Variants in P3H2 observed in about 807,000 individuals in gnomAD.
P3H2 encodes prolyl 3-hydroxylase 2.
In P3H2, 80 loss-of-function variants were observed where a neutral mutation model predicts 87.0. That is an observed-to-expected ratio of 0.92 (90% CI 0.77 to 1.11). The LOEUF is 1.11. P3H2 is among the 50% of genes least tolerant of loss of function. The pLI, the probability that P3H2 is intolerant of heterozygous loss-of-function variation, is 0.00. For synonymous variants in P3H2, 367 were observed against 359.3 expected (o/e 1.02, Z -0.24); for missense variants, 1,001 against 923.9 (o/e 1.08, Z -1.08).
chr3:189,971,217 C>CT (rs370261610), intron 12 of P3H2, among the ~76,000 whole-genome samples: 113 of 152,334 alleles, frequency 7.4e-4, no homozygotes, highest in African/African-American at 2.7e-3. Context: ...TTACAACTCT[C>CT]TTTTTCCCTT....
chr3:190,074,148 A>T (rs1242823631), intron 1 of P3H2, among the ~76,000 whole-genome samples: 2 of 152,116 alleles, frequency 1.3e-5, no homozygotes, highest in Non-Finnish European at 2.9e-5. Flanking sequence ...TGGATTAGTA[A>T]AGTGTGATTG....
chr3:189,975,046 T>C (rs1560344241), intron 8 of P3H2, among the ~76,000 whole-genome samples: 1 of 152,172 alleles, frequency 6.6e-6, no homozygotes. Context: ...CATACCTCTG[T>C]CGCAACACCA....
At position 189,973,016 on chromosome 3, in the gene P3H2, A is replaced by G. The variant is rs765519073; in HGVS notation, c.1557T>C (p.Tyr519=). 1.9e-6 allele frequency: 3 copies of G among 1,592,532 alleles called. No homozygotes were observed. In the South Asian group the frequency reaches 3.3e-5, roughly 18 times the overall value. The change falls in exon 11 of 15, where the codon TAT becomes TAC. Residue 519 remains tyrosine, a synonymous_variant. Coordinates refer to ENST00000319332, the MANE Select transcript of P3H2 (RefSeq NM_018192.4). The part of the protein sequence containing the change: ...ATVLKALKSG[Y]EGRVPLKSAR... ...CGCTCTTCAGTGGGACTCGACCTTC[A>G]TAACCAGACTGAAAAAAAAAAACAA... is the stretch of plus-strand genomic sequence containing the variant.
At chr3:189,994,422 G>C in intron 2 of P3H2, 139 bp from the exon 3 acceptor site, 1 of 680,240 alleles carries the variant, frequency 1.5e-6, no homozygotes, top group Non-Finnish European at 2.5e-6. Context: ...GCTGCGGAGG[G>C]ATAAAGAAGG....
chr3:189,999,928 GAC>G (rs1724159230), intron 1 of P3H2, among the ~76,000 whole-genome samples: 1 of 152,126 alleles, frequency 6.6e-6, no homozygotes, highest in African/African-American at 2.4e-5. Context: ...ATACTGTATG[GAC>G]AAAGAAATGA....
rs1476369139 is a variant in P3H2 at position 189,956,805 on chromosome 3, G to A, written c.*1107C>T. The A allele has an allele frequency of 7.8e-6, 2 of 258,042 alleles. No homozygotes were observed. The highest frequency in any genetic ancestry group is 4.4e-5 in the African/African-American group (2 of 45,334). 16.0% of individuals were successfully genotyped at this position (258,042 alleles called of 1,614,324 possible). A position where few individuals can be genotyped will look rare whatever the true frequency, so the allele number is the denominator to read the frequency against. ...TGCTGGATAGCAGCAATGAGGAGGG[G>A]CCCCCAAAATATAAGCAGATGACGG... On this transcript the variant is annotated 3_prime_UTR_variant, in exon 15 of 15. Coordinates refer to ENST00000319332, the MANE Select transcript of P3H2 (RefSeq NM_018192.4).
In P3H2 at chr3:190,120,574, G is replaced by GCC; in HGVS notation, c.156_157dup (p.Ala53GlyfsTer152). On this transcript the variant is annotated frameshift_variant, in exon 1 of 15. Transcript: ENST00000319332. LOFTEE classifies it high-confidence loss of function. ...CTCGTAGTCTCCGCTGTAGTAGGCG[G>GCC]CCGCGCCGCTGGCGTAGAGCAGGTC... 1 of 1,540,516 alleles carries GCC rather than the reference G, an allele frequency of 6.5e-7. No homozygotes were observed. Among genetic ancestry groups the GCC allele is most frequent in the Non-Finnish European group, 8.7e-7 (1 of 1,153,520 alleles).
At chr3:189,995,218 T>G in intron 2 of P3H2, 72 bp downstream of exon 2, 1 of 1,424,826 alleles carries the variant, frequency 7.0e-7, no homozygotes. Context: ...TTCATAGAAA[T>G]TTGCTGTGAC....
At chr3:190,051,028 G>A (rs1026902900) in intron 1 of P3H2, among the ~76,000 whole-genome samples, 10 of 152,130 alleles carry the variant, frequency 6.6e-5, no homozygotes, top group African/African-American at 1.4e-4. Flanking sequence ...CCTAATCTGC[G>A]AACTGAAGCA....
intron 1 of P3H2, among the ~76,000 whole-genome samples, chr3:190,042,448 G>GTGTT (rs1725666986): frequency 6.6e-6 from 1 of 151,546 alleles, no homozygotes; most frequent in African/African-American, 2.4e-5. Flanking sequence ...GTGTGTGTGT[G>GTGTT]TGTGTGTGTA....
intron 1 of P3H2, among the ~76,000 whole-genome samples, chr3:190,105,193 T>G (rs565053309): frequency 6.6e-6 from 1 of 152,326 alleles, no homozygotes; most frequent in South Asian, 2.1e-4. Flanking sequence ...TTTGTTTGAC[T>G]CACGTTTGAA....
At chr3:190,011,263 C>T (rs1396099162) in intron 1 of P3H2, among the ~76,000 whole-genome samples, 1 of 139,936 alleles carries the variant, frequency 7.1e-6, no homozygotes, top group Admixed American at 7.3e-5. Context: ...CAGAGCAAGA[C>T]TCCATCTCCA....
At chr3:189,958,663 T>A (rs947658887) in intron 14 of P3H2, among the ~76,000 whole-genome samples, 1 of 151,332 alleles carries the variant, frequency 6.6e-6, no homozygotes, top group African/African-American at 2.4e-5. Flanking sequence ...CCCCCAGATA[T>A]TGCCAAATGT....
chr3:189,981,916 C>G (rs1723548062), intron 8 of P3H2, among the ~76,000 whole-genome samples: 1 of 152,146 alleles, frequency 6.6e-6, no homozygotes. Flanking sequence ...GCATATTATC[C>G]TGTTTACTGG....
intron 1 of P3H2, among the ~76,000 whole-genome samples, chr3:189,996,006 G>A (rs1430176861): frequency 6.6e-6 from 1 of 152,146 alleles, no homozygotes; most frequent in Non-Finnish European, 1.5e-5. Context: ...ATACACTGTT[G>A]GTAGGAATAT....
chr3:190,035,615 T>C (rs1415704991), intron 1 of P3H2, among the ~76,000 whole-genome samples: 1 of 152,208 alleles, frequency 6.6e-6, no homozygotes, highest in African/African-American at 2.4e-5. Context: ...AATAATCTTA[T>C]GCGTTTTATT....
chr3:189,987,420 G>T (rs536839685), intron 5 of P3H2, 107 bp downstream of exon 5: 15 of 1,318,760 alleles, frequency 1.1e-5, no homozygotes, highest in Non-Finnish European at 1.6e-5. Context: ...CGGAGGTTGC[G>T]GTGAGCCAAG....
chr3:190,113,994 G>A (rs1434301104), intron 1 of P3H2, among the ~76,000 whole-genome samples: 3 of 144,452 alleles, frequency 2.1e-5, no homozygotes, highest in Non-Finnish European at 3.0e-5. Context: ...GCAGGAGAAT[G>A]GCGTGAACCC....
chr3:190,081,824 G>A (rs1727053186), intron 1 of P3H2, among the ~76,000 whole-genome samples: 1 of 152,200 alleles, frequency 6.6e-6, no homozygotes, highest in African/African-American at 2.4e-5. Flanking sequence ...GGCTGGGGCT[G>A]TAGGATGATA....
Sources: allele counts gnomAD v4.1 joint callset (sites outside exome capture counted in the v4.1 genomes callset), GRCh38; gene constraint gnomAD v4.1.1; transcripts MANE v1.5; gene names NCBI Gene and HGNC (gene_info 2026-07-23, HGNC 2026-07-21).